TNPO1: variants seen among roughly 807,000 people sequenced by gnomAD.
TNPO1 encodes the protein transportin-1.
Under a neutral mutation model 119.5 loss-of-function variants are expected in TNPO1, and 8 were observed. The observed-to-expected ratio is 0.07, with a 90% CI of 0.04 to 0.12. The LOEUF (loss-of-function observed/expected upper bound fraction) is 0.12. Among genes scored for constraint, TNPO1 ranks in the 10% least tolerant of loss-of-function variants. TNPO1 has a pLI of 1.00. For missense variants in TNPO1, 576 were observed against 1,089.8 expected, an observed-to-expected ratio of 0.53 and a Z score of 6.64; for synonymous variants, 362 against 363.0, an observed-to-expected ratio of 1.00 and a Z score of 0.03.
At chr5:72,863,063 T>C (rs989873972) in intron 5 of TNPO1, among the ~76,000 whole-genome samples, 8 of 151,546 alleles carry the variant, frequency 5.3e-5, no homozygotes, top group African/African-American at 1.9e-4. Context: ...TTTTTGCCAC[T>C]GATTAGATCA....
intron 6 of TNPO1, among the ~76,000 whole-genome samples, chr5:72,867,485 T>C (rs182952809): frequency 2.0e-5 from 3 of 152,308 alleles, no homozygotes; most frequent in Admixed American, 6.5e-5. Context: ...AATTTAAAAA[T>C]AAGAACCATT....
chr5:72,835,617 G>T (rs1436112716), intron 1 of TNPO1, among the ~76,000 whole-genome samples: 1 of 152,138 alleles, frequency 6.6e-6, no homozygotes, highest in Non-Finnish European at 1.5e-5. Flanking sequence ...ACTTCCTAAA[G>T]ACTCCACCTG....
intron 1 of TNPO1, among the ~76,000 whole-genome samples, chr5:72,838,471 ATTAAC>A (rs780716034): frequency 3.3e-5 from 5 of 152,282 alleles, no homozygotes; most frequent in East Asian, 3.9e-4. Context: ...CATACCTTTT[ATTAAC>A]TTAACAATTT....
chr5:72,878,475 A>G (rs1203684943), intron 9 of TNPO1: 1 of 152,960 alleles, frequency 6.5e-6, no homozygotes, highest in Non-Finnish European at 1.5e-5. Context: ...AGTTTTTAAT[A>G]TGTCTTCATA....
intron 1 of TNPO1, among the ~76,000 whole-genome samples, chr5:72,826,659 T>C (rs1744217753): frequency 1.3e-5 from 2 of 152,222 alleles, no homozygotes; most frequent in African/African-American, 2.4e-5. Context: ...TAGACCTATA[T>C]ATCACAATGA....
intron 2 of TNPO1, among the ~76,000 whole-genome samples, chr5:72,849,435 C>T (rs1186664408): frequency 6.6e-6 from 1 of 152,134 alleles, no homozygotes; most frequent in Non-Finnish European, 1.5e-5. Flanking sequence ...TGCAGAAAAG[C>T]CTCTTGATTT....
intron 6 of TNPO1, among the ~76,000 whole-genome samples, chr5:72,871,257 G>GT (rs1285769339): frequency 6.6e-6 from 1 of 152,186 alleles, no homozygotes; most frequent in Non-Finnish European, 1.5e-5. Context: ...GATTACAGGC[G>GT]TGAGTCACTG....
rs149608387 is a variant in TNPO1, at chr5:72,826,709, A to G, written c.15+9957A>G. ...ATAATGACTAGGAAAGTTAAGGCGT[A>G]TTTTGAAGTTTGTTACAGAACAGGC... On this transcript the variant is annotated intron_variant, in intron 1 of 24. Coordinates refer to ENST00000337273, the MANE Select transcript of TNPO1 (RefSeq NM_002270.4). Among the ~76,000 whole-genome samples the G allele has an allele frequency of 2.0e-3, 302 of 152,334 alleles. 3 individuals are homozygous for G. The highest frequency in any genetic ancestry group is 7.0e-3 in the African/African-American group (292 of 41,580).
rs972663511 is a variant in TNPO1, at chr5:72,913,267, G to A, written c.*4594G>A. 6 of 152,342 alleles carry A rather than the reference G, an allele frequency of 3.9e-5. No homozygotes were observed. The highest frequency in any genetic ancestry group is 1.2e-4 in the African/African-American group (5 of 41,394). The allele number at this position is 152,342 out of a possible 1,614,324, so 9.4% of individuals were successfully genotyped here. ...TAAAAGTTAGTTTTATTCACCTTTA[G>A]GCTTTCCAAGTGAATTGTGACTAAT... On this transcript the variant is annotated 3_prime_UTR_variant, in exon 25 of 25. Transcript: ENST00000337273.
chr5:72,907,362 C>T (rs1478469588), intron 24 of TNPO1, among the ~76,000 whole-genome samples: 1 of 152,116 alleles, frequency 6.6e-6, no homozygotes, highest in East Asian at 1.9e-4. Context: ...TGAAATAGTT[C>T]TCGGTTTTGT....
At chr5:72,865,527 A>C (rs985176439) in intron 5 of TNPO1, 69 bp from the exon 6 acceptor site, 1 of 1,518,780 alleles carries the variant, frequency 6.6e-7, no homozygotes, top group African/African-American at 1.4e-5. Context: ...ATTAATCAGC[A>C]TTCTTCAGTT....
At chr5:72,838,692 C>T (rs1330258682) in intron 1 of TNPO1, among the ~76,000 whole-genome samples, 1 of 152,112 alleles carries the variant, frequency 6.6e-6, no homozygotes, top group East Asian at 1.9e-4. Context: ...GTATAATCAG[C>T]GTAGAGCAGT....
At chr5:72,855,643 T>A in intron 3 of TNPO1, 131 bp from the exon 4 acceptor site, 1 of 727,208 alleles carries the variant, frequency 1.4e-6, no homozygotes, top group Non-Finnish European at 2.2e-6. Flanking sequence ...TAATCAGTTA[T>A]AATTATTTTA....
chr5:72,876,075 A>G, intron 8 of TNPO1, among the ~76,000 whole-genome samples: 1 of 152,224 alleles, frequency 6.6e-6, no homozygotes, highest in Non-Finnish European at 1.5e-5. Context: ...CTAAAACTTT[A>G]CACATGGCTG....
At chr5:72,862,758 A>C (rs753276038) in intron 5 of TNPO1, among the ~76,000 whole-genome samples, 1 of 151,612 alleles carries the variant, frequency 6.6e-6, no homozygotes, top group African/African-American at 2.4e-5. Context: ...TGATTCTCCC[A>C]CCTCAGCCTC....
intron 3 of TNPO1, among the ~76,000 whole-genome samples, chr5:72,854,053 A>G (rs1490745050): frequency 6.6e-6 from 1 of 152,208 alleles, no homozygotes; most frequent in African/African-American, 2.4e-5. Context: ...TATGGTAAAA[A>G]CAATATACTA....
intron 6 of TNPO1, among the ~76,000 whole-genome samples, chr5:72,867,587 A>G (rs1038854020): frequency 7.2e-5 from 11 of 152,218 alleles, no homozygotes; most frequent in African/African-American, 2.7e-4. Flanking sequence ...GTTATATATT[A>G]TTTTTAATAA....
intron 1 of TNPO1, among the ~76,000 whole-genome samples, chr5:72,840,121 C>T (rs561905173): frequency 3.3e-5 from 5 of 152,084 alleles, no homozygotes; most frequent in South Asian, 4.2e-4. Flanking sequence ...AGTTGTATAA[C>T]GCAGACCGCT....
chr5:72,817,481 G>C (rs1241729244), intron 1 of TNPO1, among the ~76,000 whole-genome samples: 1 of 152,186 alleles, frequency 6.6e-6, no homozygotes, highest in African/African-American at 2.4e-5. Context: ...ATGATCGCGT[G>C]TTGCTTACTG....
Sources: allele counts gnomAD v4.1 joint callset (sites outside exome capture counted in the v4.1 genomes callset), GRCh38; gene constraint gnomAD v4.1.1; transcripts MANE v1.5; gene names NCBI Gene and HGNC (gene_info 2026-07-23, HGNC 2026-07-21).